TRPM1: variants seen among roughly 807,000 people sequenced by gnomAD.
TRPM1 encodes the protein TRPM1-203 APA Isoform, Intron 10.
Under a neutral mutation model 149.4 loss-of-function variants are expected in TRPM1, and 113 were observed. The ratio of observed to expected loss-of-function variants is 0.76; its 90% confidence interval spans 0.65 to 0.88. The LOEUF (loss-of-function observed/expected upper bound fraction) is 0.88, where lower values mean the gene tolerates loss of function less well. Among genes scored for constraint, TRPM1 ranks in the 40% least tolerant of loss-of-function variants. TRPM1 has a pLI of 0.00. For missense variants in TRPM1, 1,976 were observed against 2,038.7 expected (o/e 0.97, Z 0.59); for synonymous variants, 741 against 759.5 (o/e 0.98, Z 0.40).
chr15:31,049,830 C>G (rs1033737329), intron 12 of TRPM1, among the ~76,000 whole-genome samples: 5 of 152,170 alleles, frequency 3.3e-5, no homozygotes, highest in Non-Finnish European at 7.4e-5. Flanking sequence ...AGAAGTTGTG[C>G]CAGGAGGAGC....
At chr15:31,065,043 G>A (rs777520909) in intron 7 of TRPM1, 1 of 534,614 alleles carries the variant, frequency 1.9e-6, no homozygotes, top group Admixed American at 1.9e-5. Flanking sequence ...TCCGTGCTGT[G>A]GGAAGTGACA....
rs372501995 is a variant in TRPM1, at chr15:31,091,148, C to T, written c.-83-9710G>A. Among the ~76,000 whole-genome samples the T allele has an allele frequency of 1.4e-4, 21 of 152,308 alleles. No homozygotes were observed. The East Asian group carries it at 3.7e-3, about 27-fold the overall frequency. ...CTGATGACATTGTCTGCAATTCCCT[C>T]ATCCATGGCCGAGGAAGCAGCAGGC... On this transcript the variant is annotated intron_variant, in intron 1 of 27. Transcript: ENST00000256552.
intron 1 of TRPM1, chr15:31,160,897 C>T (rs767468772): frequency 9.8e-6 from 15 of 1,535,408 alleles, no homozygotes; most frequent in Non-Finnish European, 1.3e-5. Flanking sequence ...ACTGGCAAAG[C>T]TCACTCACCT....
chr15:31,115,343 G>C (rs546881702), intron 1 of TRPM1, among the ~76,000 whole-genome samples: 87 of 152,296 alleles, frequency 5.7e-4, no homozygotes, highest in African/African-American at 2.1e-3. Flanking sequence ...GTTTCGGCTT[G>C]TATGTGTAAA....
chr15:31,048,445 A>G (rs1596016482), intron 13 of TRPM1, among the ~76,000 whole-genome samples: 1 of 152,274 alleles, frequency 6.6e-6, no homozygotes, highest in East Asian at 1.9e-4. Flanking sequence ...AAGTTGTGAA[A>G]TACTTTCTGT....
At chr15:31,077,596 G>A (rs913914676) in intron 2 of TRPM1, among the ~76,000 whole-genome samples, 4 of 152,152 alleles carry the variant, frequency 2.6e-5, no homozygotes, top group African/African-American at 9.7e-5. Flanking sequence ...TGGGAGGGAG[G>A]TGCAGGCAGG....
intron 5 of TRPM1, among the ~76,000 whole-genome samples, chr15:31,067,646 G>A (rs1174869471): frequency 2.0e-5 from 3 of 152,080 alleles, no homozygotes; most frequent in Non-Finnish European, 4.4e-5. Flanking sequence ...GCATGTCATG[G>A]GTGACCCAGA....
chr15:31,155,468 T>C (rs1422009176), intron 1 of TRPM1, among the ~76,000 whole-genome samples: 1 of 152,250 alleles, frequency 6.6e-6, no homozygotes, highest in African/African-American at 2.4e-5. Flanking sequence ...GCACAAACCG[T>C]TGAGGCTGTG....
upstream of TRPM1, chr15:31,101,861 G>A: frequency 6.1e-6 from 2 of 328,386 alleles, no homozygotes; most frequent in Non-Finnish European, 8.7e-6. Flanking sequence ...AAGGAAGCCA[G>A]GGCCCCAAGC....
intron 1 of TRPM1, among the ~76,000 whole-genome samples, chr15:31,087,231 ATTTTTTTTT>A (rs58872566): frequency 2.5e-4 from 15 of 59,444 alleles, no homozygotes; most frequent in South Asian, 2.4e-3. Flanking sequence ...CTCAATAGGG[ATTTTTTTTT>A]TTTTTTTTTT....
chr15:31,156,065 T>C (rs2036371262), intron 1 of TRPM1, among the ~76,000 whole-genome samples: 1 of 151,408 alleles, frequency 6.6e-6, no homozygotes, highest in African/African-American at 2.4e-5. Flanking sequence ...GGCATGGTGG[T>C]GGGCACCTGT....
At chr15:31,105,925 GA>G (rs1314014940), upstream of TRPM1, among the ~76,000 whole-genome samples, 5 of 152,184 alleles carry the variant, frequency 3.3e-5, no homozygotes, top group African/African-American at 1.2e-4. Context: ...ACTAAAGGCA[GA>G]TTTCCAGTAA....
chr15:31,111,462 C>T (rs1596078592), intron 1 of TRPM1, among the ~76,000 whole-genome samples: 1 of 152,214 alleles, frequency 6.6e-6, no homozygotes, highest in South Asian at 2.1e-4. Flanking sequence ...GTTGATTCGA[C>T]CTTTTCTTCC....
chr15:31,125,960 A>G (rs573551985), intron 1 of TRPM1, among the ~76,000 whole-genome samples: 56 of 149,446 alleles, frequency 3.7e-4, no homozygotes, highest in African/African-American at 1.3e-3. Context: ...GTGAAACCCT[A>G]TCTCTACTAA....
rs974982562 is a variant in TRPM1, at chr15:31,063,278, C to A, written c.805G>T (p.Val269Leu). ...TCCACCACGAGACCCACGAGGGGCA[C>A]GCCCTGCCCCAGTCCTGCAACACAA... Reference protein sequence around the residue: ...QKINTRLGQGVPLVGLVVEGG... With the variant: ...QKINTRLGQGLPLVGLVVEGG... The change falls in exon 8 of 28, where the codon GTG becomes TTG. Residue 269 changes from valine to leucine, a missense_variant. By Grantham distance (32) the Val-to-Leu change is conservative. Transcript: ENST00000256552. 6.2e-7 allele frequency: 1 copy of A among 1,614,184 alleles called. No homozygotes were observed. Among genetic ancestry groups the A allele is most frequent in the East Asian group, 2.2e-5 (1 of 44,882 alleles).
In TRPM1 at chr15:31,144,213, G is replaced by A. The variant is rs187735371; in HGVS notation, c.54+16693C>T. Among the ~76,000 whole-genome samples, 398 of 152,296 alleles carry A rather than the reference G, an allele frequency of 2.6e-3. 2 individuals carry two copies. Among genetic ancestry groups the A allele is most frequent in the African/African-American group, 9.2e-3 (382 of 41,554 alleles). Reference sequence around the variant, plus strand: ...CCAGCACTCTGGGAGGCCGAGATGAGCCAATCACTTGAACCCAGTTCAAGA... The same window carrying A: ...CCAGCACTCTGGGAGGCCGAGATGAACCAATCACTTGAACCCAGTTCAAGA... On this transcript the variant is annotated intron_variant, in intron 1 of 26. Coordinates refer to the TRPM1 transcript ENST00000542188.
chr15:31,081,495 A>T, intron 1 of TRPM1, 57 bp from the exon 2 acceptor site: 1 of 1,138,060 alleles, frequency 8.8e-7, no homozygotes. Context: ...CTTTCTTGGG[A>T]AGCAAGATGA....
intron 1 of TRPM1, among the ~76,000 whole-genome samples, chr15:31,086,709 C>T (rs1481738571): frequency 6.6e-6 from 1 of 152,164 alleles, no homozygotes; most frequent in East Asian, 1.9e-4. Flanking sequence ...GAAAGGGGCC[C>T]ACAGATCCTG....
At chr15:31,136,726 T>C (rs61110463) in intron 1 of TRPM1, among the ~76,000 whole-genome samples, 43,612 of 145,094 alleles carry the variant, frequency 0.3, 7,092 homozygotes, top group African/African-American at 0.35. Flanking sequence ...TGTTTGTTTC[T>C]GCTTTCCTCA....
Sources: allele counts gnomAD v4.1 joint callset (sites outside exome capture counted in the v4.1 genomes callset), GRCh38; gene constraint gnomAD v4.1.1; transcripts MANE v1.5; gene names NCBI Gene and HGNC (gene_info 2026-07-23, HGNC 2026-07-21).